Variants in KRTCAP3 observed in about 807,000 individuals in gnomAD.
KRTCAP3 encodes the protein keratinocyte associated protein 3, also known as keratinocyte-associated protein 3.
A neutral mutation model predicts 20.5 loss-of-function variants in KRTCAP3; 18 were observed. That is an observed-to-expected ratio of 0.88 (90% CI 0.61 to 1.31). KRTCAP3 has a LOEUF of 1.31. Ranked by LOEUF, KRTCAP3 falls within the 50% of genes most tolerant of loss-of-function variation. The pLI is 0.00. For missense variants in KRTCAP3, 347 were observed against 310.4 expected, an observed-to-expected ratio of 1.12 and a Z score of -0.89; for synonymous variants, 167 against 133.7, an observed-to-expected ratio of 1.25 and a Z score of -1.72.
At chr2:27,445,041 G>A, downstream of KRTCAP3, 4 of 1,613,984 alleles carry the variant, frequency 2.5e-6, no homozygotes, top group Non-Finnish European at 2.5e-6. The surrounding 1 kb of genome is among the most constrained non-coding windows in gnomAD (Gnocchi z 4.4). Context: ...ATTTATTCCA[G>A]TTGTCCTTGT....
chr2:27,446,376 T>C (rs1665099177), downstream of KRTCAP3: 3 of 1,609,996 alleles, frequency 1.9e-6, no homozygotes, highest in African/African-American at 1.3e-5. Context: ...AGTCAAAGCA[T>C]TATGAATATG....
In KRTCAP3 at chr2:27,442,796, G is replaced by A. The variant is rs1278214230; in HGVS notation, c.213+33G>A. On this transcript the variant is annotated intron_variant, in intron 2 of 6. Transcript: ENST00000288873. ...CGGCAGGCGACCCGGGCGGGGGCCG[G>A]GCTCCCGGAGAGCCCAGCAGGCCAA... 2.5e-6 allele frequency: 4 copies of A among 1,611,178 alleles called. No individual in the cohort carries two copies. In the South Asian group the frequency reaches 4.4e-5, roughly 18 times the overall value.
At chr2:27,444,109 A>G (rs1218928493) in intron 6 of KRTCAP3, 48 bp downstream of exon 6, 1 of 1,116,480 alleles carries the variant, frequency 9.0e-7, no homozygotes, top group African/African-American at 1.5e-5. Context: ...GGGACAAGGA[A>G]GTGCTCTTAG....
chr2:27,443,404 GC>G lies in KRTCAP3; in HGVS notation c.489del (p.Leu164TrpfsTer43). 6.2e-7 allele frequency: 1 copy of G among 1,614,182 alleles called. No individual in the cohort carries two copies. The highest frequency in any genetic ancestry group is 8.5e-7 in the Non-Finnish European group (1 of 1,180,040). On this transcript the variant is annotated frameshift_variant, in exon 5 of 7. Transcript: ENST00000288873. LOFTEE classifies it high-confidence loss of function. ...PFDPTRIYDT[A>X]LALWIPSLLM... Reference sequence around the variant, plus strand: ...CATCCTTCTTGCTTTTCAGGATACAGCCTTGGCTCTCTGGATCCCTTCTTTG... The same window carrying G: ...CATCCTTCTTGCTTTTCAGGATACAGCTTGGCTCTCTGGATCCCTTCTTTG...
chr2:27,444,090 G>A, intron 6 of KRTCAP3, 29 bp downstream of exon 6: 1 of 1,282,896 alleles, frequency 7.8e-7, no homozygotes, highest in Non-Finnish European at 1.1e-6. Flanking sequence ...GGTGGCCCGG[G>A]TAAGAGCGGG....
intron 1 of KRTCAP3, 43 bp downstream of exon 1, chr2:27,442,483 T>C: frequency 1.3e-6 from 2 of 1,555,876 alleles, no homozygotes; most frequent in Non-Finnish European, 1.7e-6. Context: ...ACCCTGGGGC[T>C]ACCCTTGCCC....
chr2:27,445,603 T>C, downstream of KRTCAP3: 1 of 1,297,874 alleles, frequency 7.7e-7, no homozygotes, highest in Non-Finnish European at 1.1e-6. This position sits in a 1 kb window ranked among gnomAD's most constrained non-coding sequence, Gnocchi z 4.4. Flanking sequence ...GTCACAGCCT[T>C]TTCTTTCTAT....
At chr2:27,445,456 A>C (rs1344874296), downstream of KRTCAP3, 2 of 1,608,102 alleles carry the variant, frequency 1.2e-6, no homozygotes, top group Admixed American at 1.7e-5. The surrounding 1 kb of genome is among the most constrained non-coding windows in gnomAD (Gnocchi z 4.4). Flanking sequence ...CCTCCTGGAA[A>C]GGACAAGAAG....
Position 27,442,831 on chromosome 2 carries a change from G to A in KRTCAP3, c.214-11G>A. On this transcript the variant is annotated splice_polypyrimidine_tract_variant and intron_variant, in intron 2 of 6. Transcript: ENST00000288873. ...GAGCCCAGCAGGCCAAAGGCTTTGT[G>A]TCTTCCACAGAGCGTTTCCGTGGGA... 6.2e-7 allele frequency: 1 copy of A among 1,611,726 alleles called. No homozygotes were observed. Among genetic ancestry groups the A allele is most frequent in the Non-Finnish European group, 8.5e-7 (1 of 1,180,030 alleles).
Position 27,442,421 on chromosome 2 carries a change from C to T in KRTCAP3, c.9C>T (p.Arg3=), listed in dbSNP as rs1343924676. The part of the protein sequence containing the change: MR[R]CSLCAFDAAR... ...CTGGCGCGGCGGACGGGATGAGGCGCTGCAGTCTCTGCGCTTTCGGTAACT... is the reference window on the plus strand; with the variant it reads ...CTGGCGCGGCGGACGGGATGAGGCGTTGCAGTCTCTGCGCTTTCGGTAACT... The change falls in exon 1 of 7, where the codon CGC becomes CGT. Residue 3 remains arginine, a synonymous_variant. Transcript: ENST00000288873. The T allele has an allele frequency of 1.9e-6, 3 of 1,565,224 alleles. No homozygotes were observed. Among genetic ancestry groups the T allele is most frequent in the East Asian group, 2.4e-5 (1 of 41,970 alleles).
chr2:27,443,161 G>C lies in KRTCAP3; in HGVS notation c.361G>C (p.Val121Leu), dbSNP rs1476568138. ...CCTCCTTCTTGCTGTGTCACTCACT[G>C]TGGCCAACGGTGGCCGCCGCCTTAT... is the stretch of plus-strand genomic sequence containing the variant. Reference protein sequence around the residue: ...LGLLLAVSLTVANGGRRLIAD... With the variant: ...LGLLLAVSLTLANGGRRLIAD... Residue 121 changes from valine (V) to leucine (L), a missense_variant, in exon 4 of 7, where the codon GTG becomes CTG. By Grantham distance (32) the Val-to-Leu change is conservative. Coordinates refer to ENST00000288873, the MANE Select transcript of KRTCAP3 (RefSeq NM_173853.4). 1 of 1,614,024 alleles carries C rather than the reference G, an allele frequency of 6.2e-7. No homozygotes were observed. The highest frequency in any genetic ancestry group is 1.7e-5 in the Admixed American group (1 of 60,002).
chr2:27,445,550 T>C (rs184687834), downstream of KRTCAP3: 3,809 of 1,388,146 alleles, frequency 2.7e-3, 10 homozygotes, highest in Middle Eastern at 3.6e-3. This position sits in a 1 kb window ranked among gnomAD's most constrained non-coding sequence, Gnocchi z 4.4. Flanking sequence ...TCATCCTGTA[T>C]ACCAGCTTTT....
chr2:27,442,418 G>T lies in KRTCAP3; in HGVS notation c.6G>T (p.Arg2Ser), dbSNP rs751462666. Reference sequence around the variant, plus strand: ...CGGCTGGCGCGGCGGACGGGATGAGGCGCTGCAGTCTCTGCGCTTTCGGTA... The same window carrying T: ...CGGCTGGCGCGGCGGACGGGATGAGTCGCTGCAGTCTCTGCGCTTTCGGTA... M[R>S]RCSLCAFDAA... Residue 2 changes from arginine to serine, a missense_variant, in exon 1 of 7, where the codon AGG becomes AGT. By Grantham distance (110) the Arg-to-Ser change is moderately radical. Transcript: ENST00000288873. 3 of 1,563,620 alleles carry T rather than the reference G, an allele frequency of 1.9e-6. No individual in the cohort carries two copies. In the South Asian group the frequency reaches 3.5e-5, roughly 18 times the overall value.
chr2:27,445,054 G>A (rs1220735933), downstream of KRTCAP3: 2 of 1,613,890 alleles, frequency 1.2e-6, no homozygotes, highest in African/African-American at 2.7e-5. The surrounding 1 kb of genome is among the most constrained non-coding windows in gnomAD (Gnocchi z 4.4). Flanking sequence ...GTCCTTGTTA[G>A]CAGCCTTCCC....
rs1375403487 is a variant in KRTCAP3, at chr2:27,442,532, C to G, written c.29-47C>G. The G allele has an allele frequency of 3.9e-6, 6 of 1,535,460 alleles. No homozygotes were observed. In the South Asian group the frequency reaches 4.9e-5, roughly 13 times the overall value. Reference sequence around the variant, plus strand: ...GCGGTTAACCCGCCGCGAGCCGCCTCTCCCCTCCCCGCCCGACTCAACCCT... The same window carrying G: ...GCGGTTAACCCGCCGCGAGCCGCCTGTCCCCTCCCCGCCCGACTCAACCCT... On this transcript the variant is annotated intron_variant, in intron 1 of 6. Transcript: ENST00000288873.
chr2:27,445,174 C>G, downstream of KRTCAP3: 1 of 1,600,778 alleles, frequency 6.2e-7, no homozygotes, highest in East Asian at 2.2e-5. This position sits in a 1 kb window ranked among gnomAD's most constrained non-coding sequence, Gnocchi z 4.4. Flanking sequence ...GAGGAGCAGC[C>G]TGGGGGGTAG....
chr2:27,443,157 C>CA lies in KRTCAP3; in HGVS notation c.358dup (p.Thr120AsnfsTer12), dbSNP rs774645401. Reference sequence around the variant, plus strand: ...TGGGCCTCCTTCTTGCTGTGTCACTCACTGTGGCCAACGGTGGCCGCCGCC... The same window carrying CA: ...TGGGCCTCCTTCTTGCTGTGTCACTCAACTGTGGCCAACGGTGGCCGCCGCC... On this transcript the variant is annotated frameshift_variant, in exon 4 of 7. Coordinates refer to ENST00000288873, the MANE Select transcript of KRTCAP3 (RefSeq NM_173853.4). LOFTEE classifies it high-confidence loss of function. 33 of 1,614,036 alleles carry CA rather than the reference C, an allele frequency of 2.0e-5. No individual in the cohort carries two copies. In the South Asian group the frequency reaches 3.1e-4, roughly 15 times the overall value.
In KRTCAP3 at chr2:27,444,064, A is replaced by T; in HGVS notation, c.*5+3A>T. The stretch of plus-strand genomic sequence containing the variant: ...CAGAGAAGTTGGGTTTAGGACAGGT[A>T]ATGGGCCTTGAAGGTGGTGGCCCGG... On this transcript the variant is annotated splice_donor_region_variant and intron_variant, in intron 6 of 6. Coordinates refer to ENST00000288873, the MANE Select transcript of KRTCAP3 (RefSeq NM_173853.4). The T allele has an allele frequency of 1.3e-6, 2 of 1,561,394 alleles. No homozygotes were observed. The highest frequency in any genetic ancestry group is 1.8e-6 in the Non-Finnish European group (2 of 1,132,134).
At chr2:27,446,003 A>G (rs1195545186), downstream of KRTCAP3, 1 of 1,614,196 alleles carries the variant, frequency 6.2e-7, no homozygotes, top group South Asian at 1.1e-5. Flanking sequence ...AGCAAAGAAG[A>G]GTTGCAAATG....
Sources: allele counts gnomAD v4.1 joint callset, GRCh38; gene constraint gnomAD v4.1.1; non-coding constraint Gnocchi (gnomAD v3.1); transcripts MANE v1.5; gene names NCBI Gene and HGNC (gene_info 2026-07-23, HGNC 2026-07-21).